SLC35F1: variants seen among roughly 807,000 people sequenced by gnomAD.
SLC35F1 encodes solute carrier family 35 member F1.
In SLC35F1, 14 loss-of-function variants were observed where a neutral mutation model predicts 48.7. The observed-to-expected ratio is 0.29, with a 90% CI of 0.19 to 0.45. SLC35F1 has a LOEUF of 0.45. SLC35F1 is among the 20% of genes least tolerant of loss of function. The probability of loss-of-function intolerance (pLI) is 1.00; values close to 1 mark genes in which losing one functional copy is unlikely to be tolerated. For missense variants in SLC35F1, 404 were observed against 500.0 expected (o/e 0.81, Z 1.83); for synonymous variants, 190 against 202.2 (o/e 0.94, Z 0.51).
intron 1 of SLC35F1, among the ~76,000 whole-genome samples, chr6:117,921,061 C>G (rs950686599): frequency 1.0e-4 from 2 of 19,232 alleles, no homozygotes; most frequent in Non-Finnish European, 3.8e-4. Context: ...TTGACACACA[C>G]ACACACACAC....
intron 1 of SLC35F1, among the ~76,000 whole-genome samples, chr6:118,053,635 A>G (rs1772422234): frequency 6.6e-6 from 1 of 152,148 alleles, no homozygotes; most frequent in African/African-American, 2.4e-5. Context: ...TGTATGGTTA[A>G]CATTTCCCAT....
intron 1 of SLC35F1, among the ~76,000 whole-genome samples, chr6:118,094,649 G>C (rs532141069): frequency 1.4e-4 from 21 of 152,212 alleles, no homozygotes; most frequent in African/African-American, 5.1e-4. Flanking sequence ...CAGGGGAAAG[G>C]GGTGTCCAGA....
intron 1 of SLC35F1, among the ~76,000 whole-genome samples, chr6:117,923,651 G>GTATACATATGTACATATGTACATATA (rs1554216680): frequency 5.7e-5 from 1 of 17,502 alleles, no homozygotes; most frequent in South Asian, 1.6e-3. Flanking sequence ...ATGTACATAT[G>GTATACATATGTACATATGTACATATA]TACATATGTA....
intron 1 of SLC35F1, among the ~76,000 whole-genome samples, chr6:118,059,681 A>G (rs1250909684): frequency 6.6e-6 from 1 of 152,218 alleles, no homozygotes; most frequent in African/African-American, 2.4e-5. Flanking sequence ...AAAAAGAGGC[A>G]TGGACAGTCA....
At chr6:117,973,459 A>AT (rs879305952) in intron 1 of SLC35F1, among the ~76,000 whole-genome samples, 19 of 152,034 alleles carry the variant, frequency 1.2e-4, no homozygotes, top group Non-Finnish European at 2.1e-4. Flanking sequence ...GTTCGTAGAC[A>AT]TTTTTCCTGA....
intron 3 of SLC35F1, among the ~76,000 whole-genome samples, chr6:118,237,152 G>A (rs1775376307): frequency 6.6e-6 from 1 of 152,144 alleles, no homozygotes; most frequent in Non-Finnish European, 1.5e-5. Flanking sequence ...GACCTTGAAA[G>A]CAAGAACTAT....
chr6:118,180,788 A>C (rs796554714), intron 2 of SLC35F1, among the ~76,000 whole-genome samples: 13 of 152,218 alleles, frequency 8.5e-5, no homozygotes, highest in African/African-American at 2.9e-4. Context: ...TAAAGAGATA[A>C]TGGCAACAGA....
rs1777021069 is a variant in SLC35F1, at chr6:117,997,925, T to G, written c.173+90026T>G. Among the ~76,000 whole-genome samples the G allele has an allele frequency of 2.0e-5, 3 of 151,928 alleles. No homozygotes were observed. In the South Asian group the frequency reaches 6.2e-4, roughly 32 times the overall value. On this transcript the variant is annotated intron_variant, in intron 1 of 7. Transcript: ENST00000360388. ...ACAGGATCAAATTCACACACAACAATATTAACTTTAAATGTAAATGGACTA... is the reference window on the plus strand; with the variant it reads ...ACAGGATCAAATTCACACACAACAAGATTAACTTTAAATGTAAATGGACTA...
At chr6:117,919,475 G>A (rs1775868810) in intron 1 of SLC35F1, among the ~76,000 whole-genome samples, 1 of 152,106 alleles carries the variant, frequency 6.6e-6, no homozygotes, top group African/African-American at 2.4e-5. Flanking sequence ...GGAGAGCCTG[G>A]GTTTTCGTGG....
chr6:117,927,712 T>G (rs1220828438), intron 1 of SLC35F1, among the ~76,000 whole-genome samples: 1 of 152,150 alleles, frequency 6.6e-6, no homozygotes, highest in Non-Finnish European at 1.5e-5. Context: ...CAACAAATAT[T>G]TGTTGAATGA....
chr6:118,173,922 G>A (rs1582711481), intron 2 of SLC35F1, among the ~76,000 whole-genome samples: 1 of 152,264 alleles, frequency 6.6e-6, no homozygotes, highest in Non-Finnish European at 1.5e-5. Context: ...GCAATCTCCG[G>A]AACCTCACCC....
At chr6:118,025,329 A>C (rs980881309) in intron 1 of SLC35F1, among the ~76,000 whole-genome samples, 1 of 152,152 alleles carries the variant, frequency 6.6e-6, no homozygotes, top group Non-Finnish European at 1.5e-5. Flanking sequence ...TCAGGATTAG[A>C]CTGAGTTTAT....
At chr6:118,137,420 G>T (rs946587536) in intron 1 of SLC35F1, among the ~76,000 whole-genome samples, 2 of 152,178 alleles carry the variant, frequency 1.3e-5, no homozygotes, top group Non-Finnish European at 2.9e-5. Context: ...GACACCAATT[G>T]TCTTGGATCT....
intron 2 of SLC35F1, among the ~76,000 whole-genome samples, chr6:118,230,329 A>T (rs1190924685): frequency 8.5e-6 from 1 of 118,268 alleles, no homozygotes; most frequent in Non-Finnish European, 1.8e-5. Flanking sequence ...ACACAGCAAG[A>T]CTCCATCTAC....
chr6:118,213,537 T>C (rs888823923), intron 2 of SLC35F1, among the ~76,000 whole-genome samples: 1 of 152,226 alleles, frequency 6.6e-6, no homozygotes, highest in Non-Finnish European at 1.5e-5. Context: ...TATTGTAGCA[T>C]TGTTTATAAT....
chr6:118,136,289 A>T (rs1773793884), intron 1 of SLC35F1, among the ~76,000 whole-genome samples: 1 of 152,230 alleles, frequency 6.6e-6, no homozygotes, highest in African/African-American at 2.4e-5. Flanking sequence ...CTCATTGAGC[A>T]TGCTGTTTTA....
At chr6:118,208,109 ACGCG>A (rs984323027) in intron 2 of SLC35F1, among the ~76,000 whole-genome samples, 3 of 132,242 alleles carry the variant, frequency 2.3e-5, no homozygotes, top group South Asian at 5.0e-4. Context: ...ACGCACACAC[ACGCG>A]CGCGCGCGAT....
intron 1 of SLC35F1, among the ~76,000 whole-genome samples, chr6:117,956,820 A>G (rs1043267761): frequency 1.3e-5 from 2 of 152,230 alleles, no homozygotes; most frequent in Non-Finnish European, 2.9e-5. Flanking sequence ...CCAGGAGGGC[A>G]GGGAAACCCT....
chr6:118,061,013 G>A (rs1233125623), intron 1 of SLC35F1, among the ~76,000 whole-genome samples: 3 of 152,138 alleles, frequency 2.0e-5, no homozygotes, highest in Admixed American at 2.0e-4. Flanking sequence ...AAATTTTTGT[G>A]TCTCACAATT....
Sources: allele counts gnomAD v4.1 joint callset (sites outside exome capture counted in the v4.1 genomes callset), GRCh38; gene constraint gnomAD v4.1.1; transcripts MANE v1.5; gene names NCBI Gene and HGNC (gene_info 2026-07-23, HGNC 2026-07-21).